The following C4orf51 variants were observed in gnomAD, a reference collection of about 807,000 sequenced individuals.
The protein encoded by C4orf51 is chromosome 4 open reading frame 51.
C4orf51 carries 25 observed loss-of-function variants against 25.2 expected under a neutral mutation model. The ratio of observed to expected loss-of-function variants is 0.99; its 90% CI spans 0.72 to 1.39. The LOEUF is 1.39. Ranked by LOEUF, C4orf51 falls within the 40% of genes most tolerant of loss-of-function variation. The pLI is 0.00. For synonymous variants in C4orf51, 100 were observed against 84.5 expected, an observed-to-expected ratio of 1.18 and a Z score of -1.01; for missense variants, 252 against 239.6, an observed-to-expected ratio of 1.05 and a Z score of -0.34.
At chr4:145,756,354 G>A (rs1484133058), downstream of C4orf51, among the ~76,000 whole-genome samples, 1 of 152,170 alleles carries the variant, frequency 6.6e-6, no homozygotes, top group Non-Finnish European at 1.5e-5. Context: ...ATATCTAATT[G>A]TGCTTGGATT....
At position 145,732,441 on chromosome 4, in the gene C4orf51, A is replaced by AT. The variant is rs1217234346; in HGVS notation, c.502-7dup. 3 of 1,594,518 alleles carry AT rather than the reference A, an allele frequency of 1.9e-6. No homozygotes were observed. The highest frequency in any genetic ancestry group is 2.6e-6 in the Non-Finnish European group (3 of 1,166,286). ...ATGAGCGAGTGTTGACAACCAGGCC[A>AT]TTTTTCTCCAGCTTCATGGACGGTG... is the stretch of plus-strand genomic sequence containing the variant. On this transcript the variant is annotated splice_polypyrimidine_tract_variant and intron_variant, in intron 5 of 5. Transcript: ENST00000438731.
intron 1 of C4orf51, among the ~76,000 whole-genome samples, chr4:145,694,751 A>C (rs1279183139): frequency 6.7e-6 from 1 of 149,870 alleles, no homozygotes; most frequent in African/African-American, 2.5e-5. Flanking sequence ...TGCCCGGCCA[A>C]GTTTTTAGTT....
chr4:145,722,684 C>T (rs569084383), intron 2 of C4orf51, among the ~76,000 whole-genome samples: 1 of 152,064 alleles, frequency 6.6e-6, no homozygotes, highest in Non-Finnish European at 1.5e-5. Context: ...AAAAATTGTA[C>T]CAGTCCATGG....
intron 4 of C4orf51, among the ~76,000 whole-genome samples, chr4:145,729,447 G>A (rs900788551): frequency 3.3e-5 from 5 of 151,628 alleles, no homozygotes; most frequent in Non-Finnish European, 5.9e-5. Flanking sequence ...GACTACCGGC[G>A]CCCGCCACCA....
downstream of C4orf51, among the ~76,000 whole-genome samples, chr4:145,737,474 T>C (rs72723859): frequency 0.029 from 4,354 of 152,358 alleles, 77 homozygotes; most frequent in Middle Eastern, 0.065. Flanking sequence ...TCTTCTTTAC[T>C]GCTTATAGCC....
chr4:145,746,263 G>C (rs1000800365), intron 1 of C4orf51, among the ~76,000 whole-genome samples: 3 of 152,106 alleles, frequency 2.0e-5, no homozygotes, highest in African/African-American at 7.2e-5. Flanking sequence ...GCCTGTGCTT[G>C]TGGGGTATAA....
At chr4:145,742,885 A>G (rs927779616) in intron 1 of C4orf51, among the ~76,000 whole-genome samples, 2 of 152,320 alleles carry the variant, frequency 1.3e-5, no homozygotes, top group East Asian at 1.9e-4. Context: ...CCACCTGGTG[A>G]GGATGCTAAG....
chr4:145,737,529 C>T (rs1003456726), downstream of C4orf51, among the ~76,000 whole-genome samples: 1 of 152,158 alleles, frequency 6.6e-6, no homozygotes, highest in African/African-American at 2.4e-5. Context: ...TGGAGCACAT[C>T]TTTGGTAGAT....
At chr4:145,696,973 G>A (rs183404768) in intron 2 of C4orf51, among the ~76,000 whole-genome samples, 1,662 of 152,108 alleles carry the variant, frequency 0.011, 14 homozygotes, top group Non-Finnish European at 0.017. Flanking sequence ...GGAGGCAGAG[G>A]TTGCAGTGAG....
the C4orf51 span, among the ~76,000 whole-genome samples, chr4:145,782,930 G>T: frequency 6.6e-6 from 1 of 152,196 alleles, no homozygotes; most frequent in African/African-American, 2.4e-5. Context: ...CCCTATCTCA[G>T]ATTTTATCTC....
chr4:145,789,880 T>C, the C4orf51 span, among the ~76,000 whole-genome samples: 11 of 152,244 alleles, frequency 7.2e-5, no homozygotes, highest in African/African-American at 2.7e-4. Flanking sequence ...AGGGCCTGCC[T>C]GGAGAGAGAA....
chr4:145,699,944 A>G (rs1484206861), intron 2 of C4orf51, among the ~76,000 whole-genome samples: 1 of 151,114 alleles, frequency 6.6e-6, no homozygotes, highest in Non-Finnish European at 1.5e-5. Flanking sequence ...AGGGGCAAGC[A>G]CCCCTCAACA....
chr4:145,777,575 C>G, the C4orf51 span, among the ~76,000 whole-genome samples: 4 of 152,110 alleles, frequency 2.6e-5, no homozygotes, highest in Admixed American at 6.5e-5. Context: ...TTTCTTAGAG[C>G]TTCATTATTC....
At chr4:145,696,421 C>G (rs1022241951) in intron 1 of C4orf51, 138 bp from the exon 2 acceptor site, 21 of 705,460 alleles carry the variant, frequency 3.0e-5, no homozygotes, top group Non-Finnish European at 5.2e-5. Context: ...ATCTAAATAA[C>G]AAACCTTCAC....
At chr4:145,729,784 G>T (rs1732357504) in intron 4 of C4orf51, 108 bp from the exon 5 acceptor site, 1 of 872,250 alleles carries the variant, frequency 1.1e-6, no homozygotes, top group Non-Finnish European at 1.9e-6. Context: ...GTATGTGAAG[G>T]TTTGGATCTA....
rs1309628837 is a variant in C4orf51, at chr4:145,762,503, C to T, written n.167-8485C>T. ...AGTGCTTGGTAGAGTACTTAACACA[C>T]GGTAAGCACTCAGGACATACTGGTT... is the stretch of plus-strand genomic sequence containing the variant. On this transcript the variant is annotated intron_variant and non_coding_transcript_variant, in intron 1 of 1. Coordinates refer to the C4orf51 transcript ENST00000510096. This position sits in a 1 kb window ranked among gnomAD's most constrained non-coding sequence, Gnocchi z 4.9. Among the ~76,000 whole-genome samples the T allele has an allele frequency of 6.6e-6, 1 of 152,180 alleles. No homozygotes were observed. Among genetic ancestry groups the T allele is most frequent in the Non-Finnish European group, 1.5e-5 (1 of 68,026 alleles).
chr4:145,722,748 G>T (rs1300927881), intron 2 of C4orf51, among the ~76,000 whole-genome samples: 1 of 152,182 alleles, frequency 6.6e-6, no homozygotes, highest in African/African-American at 2.4e-5. Flanking sequence ...AGCAAGCAAT[G>T]CTTCATCTGC....
intron 1 of C4orf51, among the ~76,000 whole-genome samples, chr4:145,753,705 T>A (rs1033004587): frequency 6.6e-6 from 1 of 152,178 alleles, no homozygotes; most frequent in Non-Finnish European, 1.5e-5. Flanking sequence ...GCCTTTTGCT[T>A]GGGCTTGAGG....
intron 1 of C4orf51, among the ~76,000 whole-genome samples, chr4:145,680,704 T>G (rs937878425): frequency 1.3e-5 from 2 of 152,168 alleles, no homozygotes; most frequent in African/African-American, 4.8e-5. Context: ...ATTTTGGGTA[T>G]TTGGGGTTCT....
Sources: allele counts gnomAD v4.1 joint callset (sites outside exome capture counted in the v4.1 genomes callset), GRCh38; gene constraint gnomAD v4.1.1; non-coding constraint Gnocchi (gnomAD v3.1); transcripts MANE v1.5; gene names NCBI Gene and HGNC (gene_info 2026-07-23, HGNC 2026-07-21).